Variants in MCTP1 observed in about 807,000 individuals in gnomAD.
The protein encoded by MCTP1 is multiple C2 and transmembrane domain containing 1.
A neutral mutation model predicts 120.6 loss-of-function variants in MCTP1; 69 were observed. That is an observed-to-expected ratio of 0.57 (90% CI 0.47 to 0.70). The LOEUF is 0.70. Ranked by LOEUF, MCTP1 falls within the 30% of genes least tolerant of loss-of-function variation. The pLI is 0.00. For missense variants in MCTP1, 1,203 were observed against 1,248.8 expected (o/e 0.96, Z 0.55); for synonymous variants, 529 against 493.1 (o/e 1.07, Z -0.96).
At chr5:94,906,664 A>G (rs147691619) in intron 10 of MCTP1, among the ~76,000 whole-genome samples, 2,949 of 152,346 alleles carry the variant, frequency 0.019, 49 homozygotes, top group Non-Finnish European at 0.034. Context: ...AAAAATCATT[A>G]TATATGACCA....
chr5:95,227,317 G>A (rs193239881), intron 1 of MCTP1, among the ~76,000 whole-genome samples: 110 of 152,284 alleles, frequency 7.2e-4, no homozygotes, highest in African/African-American at 2.6e-3. Flanking sequence ...AAAGATCATG[G>A]TTAACATTAG....
intron 1 of MCTP1, among the ~76,000 whole-genome samples, chr5:95,278,086 AG>A (rs1355856999): frequency 2.0e-5 from 3 of 150,932 alleles, no homozygotes; most frequent in Non-Finnish European, 2.9e-5. Flanking sequence ...ATATTCTGCC[AG>A]AAAAAAAAAA....
intron 2 of MCTP1, among the ~76,000 whole-genome samples, chr5:95,012,234 A>G (rs999338801): frequency 1.3e-5 from 2 of 152,132 alleles, no homozygotes; most frequent in Admixed American, 6.6e-5. Flanking sequence ...GGTTCATTCT[A>G]GACTGCCTAC....
chr5:94,708,398 A>G (rs1246588821), intron 22 of MCTP1, 114 bp downstream of exon 22: 8 of 640,706 alleles, frequency 1.2e-5, no homozygotes, highest in Non-Finnish European at 2.1e-5. Flanking sequence ...CACAGGCTTT[A>G]TTAATTTTTA....
In MCTP1 at chr5:94,705,222, G is replaced by T. The variant is rs1488986371; in HGVS notation, c.*2274C>A. The stretch of plus-strand genomic sequence containing the variant: ...ATTGCAGCTATGTGAGAAGGGGAAA[G>T]AAATAAATAGTTAAAATTTTAACTA... On this transcript the variant is annotated 3_prime_UTR_variant, in exon 23 of 23. Coordinates refer to ENST00000515393, the MANE Select transcript of MCTP1 (RefSeq NM_024717.7). 1.3e-5 allele frequency: 2 copies of T among 151,452 alleles called. No individual in the cohort carries two copies. The highest frequency in any genetic ancestry group is 2.0e-4 in the East Asian group (1 of 5,126). The allele number at this position is 151,452 out of a possible 1,614,324, so 9.4% of individuals were successfully genotyped here.
In MCTP1 at chr5:94,953,872, A is replaced by AAT. The variant is rs370303055; in HGVS notation, c.839-513_839-512dup. On this transcript the variant is annotated intron_variant, in intron 2 of 22. Coordinates refer to ENST00000515393, the MANE Select transcript of MCTP1 (RefSeq NM_024717.7). ...AACTATATATATGCATATATATACAAATATATATGCATATATATACAAATA... is the reference window on the plus strand; with the variant it reads ...AACTATATATATGCATATATATACAAATATATATATGCATATATATACAAATA... Among the ~76,000 whole-genome samples the AAT allele has an allele frequency of 5.7e-4, 50 of 88,132 alleles. 7 individuals are homozygous for AAT. The highest frequency in any genetic ancestry group is 6.6e-4 in the South Asian group (2 of 3,032). 57.8% of individuals were successfully genotyped at this position (88,132 alleles called of 152,430 possible).
intron 17 of MCTP1, among the ~76,000 whole-genome samples, chr5:94,825,625 A>G (rs1033053837): frequency 6.6e-6 from 1 of 152,148 alleles, no homozygotes; most frequent in Non-Finnish European, 1.5e-5. Context: ...GATCTGTCTA[A>G]TATTGACAGT....
At chr5:95,255,268 G>A (rs1582670376) in intron 1 of MCTP1, among the ~76,000 whole-genome samples, 1 of 152,142 alleles carries the variant, frequency 6.6e-6, no homozygotes, top group East Asian at 1.9e-4. Flanking sequence ...TGTATACCCA[G>A]CACTAGCACA....
At position 94,703,968 on chromosome 5, in the gene MCTP1, A is replaced by G. The variant is rs547106624; in HGVS notation, c.*3528T>C. The G allele has an allele frequency of 2.0e-5, 3 of 149,812 alleles. No individual in the cohort carries two copies. Among genetic ancestry groups the G allele is most frequent in the Admixed American group, 6.7e-5 (1 of 14,898 alleles). 9.3% of individuals were successfully genotyped at this position (149,812 alleles called of 1,614,324 possible). On this transcript the variant is annotated 3_prime_UTR_variant, in exon 23 of 23. Transcript: ENST00000515393. The stretch of plus-strand genomic sequence containing the variant: ...ACTATATAAAAGAAACTGAGGTACC[A>G]GAGGGTAACATTTTCACCAAAAAAA...
chr5:94,904,887 C>T (rs530684346), intron 10 of MCTP1, among the ~76,000 whole-genome samples: 1 of 152,180 alleles, frequency 6.6e-6, no homozygotes, highest in South Asian at 2.1e-4. Context: ...GTGAACAAAA[C>T]ACTCAAAAAA....
chr5:94,889,583 C>T (rs1461786122), intron 11 of MCTP1, among the ~76,000 whole-genome samples: 1 of 151,830 alleles, frequency 6.6e-6, no homozygotes, highest in Non-Finnish European at 1.5e-5. Flanking sequence ...GGCAAGACTC[C>T]AACTCAAAAA....
chr5:94,953,701 T>A lies in MCTP1; in HGVS notation c.839-340A>T, dbSNP rs537019880. 2.7e-3 allele frequency among the ~76,000 whole-genome samples: 396 copies of A among 149,406 alleles called. 1 individual carries two copies. Among genetic ancestry groups the A allele is most frequent in the Non-Finnish European group, 4.8e-3 (327 of 67,502 alleles). ...CTGACTCAAATGTTTATCACAGCAC[T>A]TTTCACAATAGCAAAGACATGGAAT... On this transcript the variant is annotated intron_variant, in intron 2 of 22. Transcript: ENST00000515393.
At chr5:95,085,376 C>T (rs529849774) in intron 1 of MCTP1, among the ~76,000 whole-genome samples, 2 of 149,600 alleles carry the variant, frequency 1.3e-5, no homozygotes, top group South Asian at 4.2e-4. Context: ...AAGCTTTATA[C>T]AAATATAATA....
At chr5:94,975,100 A>C (rs1827814846) in intron 2 of MCTP1, among the ~76,000 whole-genome samples, 1 of 152,054 alleles carries the variant, frequency 6.6e-6, no homozygotes, top group Non-Finnish European at 1.5e-5. Context: ...TGGATCAGGG[A>C]AGGTGTCCAA....
At chr5:94,756,415 G>A (rs887017603) in intron 19 of MCTP1, among the ~76,000 whole-genome samples, 2 of 152,208 alleles carry the variant, frequency 1.3e-5, no homozygotes, top group African/African-American at 4.8e-5. Context: ...GTGGTTATGG[G>A]AATGAAAAGG....
At chr5:95,207,215 T>C (rs1479395263) in intron 1 of MCTP1, among the ~76,000 whole-genome samples, 2 of 152,184 alleles carry the variant, frequency 1.3e-5, no homozygotes, top group Non-Finnish European at 2.9e-5. Context: ...TAGAAGAATC[T>C]GGCAAGTTCC....
intron 19 of MCTP1, among the ~76,000 whole-genome samples, chr5:94,718,308 A>G (rs1724986715): frequency 1.3e-5 from 2 of 152,230 alleles, no homozygotes; most frequent in African/African-American, 4.8e-5. Context: ...GGCTAGCCAT[A>G]TGCAGAAAAT....
At chr5:95,140,750 G>A (rs1759852322) in intron 1 of MCTP1, among the ~76,000 whole-genome samples, 1 of 145,390 alleles carries the variant, frequency 6.9e-6, no homozygotes, top group South Asian at 2.2e-4. Context: ...TGTGGTGGTG[G>A]GCACCTGCAG....
At chr5:95,211,262 C>A (rs1370304456) in intron 1 of MCTP1, among the ~76,000 whole-genome samples, 1 of 151,186 alleles carries the variant, frequency 6.6e-6, no homozygotes, top group Non-Finnish European at 1.5e-5. Context: ...TAATATCCTG[C>A]AGAGTGTTTT....
Sources: gnomAD v4.1 joint callset for allele counts (sites outside exome capture counted in the v4.1 genomes callset) on GRCh38, gnomAD v4.1.1 for gene constraint, MANE v1.5 for transcripts, NCBI Gene and HGNC (gene_info 2026-07-23, HGNC 2026-07-21) for gene names.